The following ASTN2 variants were observed in gnomAD, a reference collection of about 807,000 sequenced individuals.
ASTN2 encodes the protein astrotactin 2.
Under a neutral mutation model 139.8 loss-of-function variants are expected in ASTN2, and 54 were observed. The observed-to-expected ratio is 0.39, with a 90% CI of 0.31 to 0.48. ASTN2 has a LOEUF of 0.48. ASTN2 is among the 20% of genes least tolerant of loss of function. ASTN2 has a pLI of 0.95. For synonymous variants in ASTN2, 756 were observed against 719.5 expected, an observed-to-expected ratio of 1.05 and a Z score of -0.81; for missense variants, 1,565 against 1,725.1, an observed-to-expected ratio of 0.91 and a Z score of 1.64.
At chr9:116,730,389 A>G (rs1443827655) in intron 14 of ASTN2, among the ~76,000 whole-genome samples, 5 of 152,170 alleles carry the variant, frequency 3.3e-5, no homozygotes, top group African/African-American at 1.2e-4. Flanking sequence ...TTCAGGAATA[A>G]AATAGTTTTT....
chr9:116,535,930 G>A (rs1447260049), intron 19 of ASTN2, among the ~76,000 whole-genome samples: 2 of 152,134 alleles, frequency 1.3e-5, no homozygotes, highest in African/African-American at 2.4e-5. Flanking sequence ...AAGTTCTCCT[G>A]GATAACATCC....
intron 10 of ASTN2, among the ~76,000 whole-genome samples, chr9:116,900,204 C>A (rs1413081344): frequency 6.6e-6 from 1 of 152,180 alleles, no homozygotes; most frequent in East Asian, 1.9e-4. Flanking sequence ...GCAAGAAAAA[C>A]CTGTTGGGCA....
At chr9:116,939,511 C>G (rs988085872) in intron 10 of ASTN2, among the ~76,000 whole-genome samples, 1 of 152,112 alleles carries the variant, frequency 6.6e-6, no homozygotes, top group South Asian at 2.1e-4. Flanking sequence ...TTCGTGTCTA[C>G]CAAAGGGCTC....
intron 19 of ASTN2, among the ~76,000 whole-genome samples, chr9:116,504,515 C>A (rs1385493581): frequency 6.6e-6 from 1 of 152,150 alleles, no homozygotes; most frequent in Non-Finnish European, 1.5e-5. Context: ...CTGATACTTA[C>A]AGTAACCCTG....
chr9:117,014,603 T>C (rs370756716), intron 6 of ASTN2, among the ~76,000 whole-genome samples: 210 of 152,272 alleles, frequency 1.4e-3, no homozygotes, highest in African/African-American at 4.8e-3. Context: ...CTACTTGTTA[T>C]GGGTTGGACT....
At chr9:116,532,667 G>C (rs1282246027) in intron 19 of ASTN2, among the ~76,000 whole-genome samples, 2 of 152,178 alleles carry the variant, frequency 1.3e-5, no homozygotes, top group Non-Finnish European at 2.9e-5. Context: ...AGATCAGATA[G>C]TTGTAGATGT....
At chr9:116,747,243 G>A (rs956864230) in intron 13 of ASTN2, among the ~76,000 whole-genome samples, 6 of 152,222 alleles carry the variant, frequency 3.9e-5, no homozygotes, top group African/African-American at 1.4e-4. Flanking sequence ...TGAGGGAGCA[G>A]AGACATAAAA....
At chr9:116,616,361 T>C (rs1433343108) in intron 19 of ASTN2, among the ~76,000 whole-genome samples, 2 of 152,122 alleles carry the variant, frequency 1.3e-5, no homozygotes, top group Non-Finnish European at 2.9e-5. Flanking sequence ...GTGCACTATG[T>C]TGAGAGAGAG....
At chr9:116,792,626 G>T (rs1437178231) in intron 13 of ASTN2, among the ~76,000 whole-genome samples, 2 of 152,176 alleles carry the variant, frequency 1.3e-5, no homozygotes, top group African/African-American at 2.4e-5. Flanking sequence ...TGCACCGGGG[G>T]CCTATTGGAT....
chr9:117,053,076 T>C (rs2132671177), intron 5 of ASTN2, among the ~76,000 whole-genome samples: 1 of 152,324 alleles, frequency 6.6e-6, no homozygotes, highest in South Asian at 2.1e-4. Flanking sequence ...ACATATTCTA[T>C]ATGAGAAGCT....
intron 16 of ASTN2, among the ~76,000 whole-genome samples, chr9:116,659,715 G>C (rs1858440684): frequency 6.6e-6 from 1 of 152,006 alleles, no homozygotes; most frequent in African/African-American, 2.4e-5. Context: ...CATTTCCATG[G>C]GCTAATAGGG....
intron 10 of ASTN2, among the ~76,000 whole-genome samples, chr9:116,911,703 G>A (rs1395664105): frequency 6.6e-6 from 1 of 152,138 alleles, no homozygotes; most frequent in African/African-American, 2.4e-5. Flanking sequence ...AGGAGATCGA[G>A]AACATCCTGG....
At chr9:117,267,523 C>T (rs1416269167) in intron 2 of ASTN2, among the ~76,000 whole-genome samples, 2 of 152,194 alleles carry the variant, frequency 1.3e-5, no homozygotes, top group Admixed American at 1.3e-4. Flanking sequence ...AAGATATTAA[C>T]ACTAGGGGAG....
intron 3 of ASTN2, among the ~76,000 whole-genome samples, chr9:117,163,907 C>A (rs1365617645): frequency 1.3e-5 from 2 of 151,984 alleles, no homozygotes; most frequent in Non-Finnish European, 2.9e-5. Flanking sequence ...AGGCAAAGGC[C>A]ATATTTGTAT....
At chr9:116,773,972 T>A (rs1830018035) in intron 13 of ASTN2, among the ~76,000 whole-genome samples, 1 of 152,242 alleles carries the variant, frequency 6.6e-6, no homozygotes, top group East Asian at 1.9e-4. Flanking sequence ...TCTTATTGTC[T>A]GGCTCTGTCC....
chr9:117,360,202 C>T (rs890628780), intron 1 of ASTN2, among the ~76,000 whole-genome samples: 7 of 152,030 alleles, frequency 4.6e-5, no homozygotes, highest in East Asian at 1.9e-4. Context: ...GCTCTGTGCT[C>T]GGCAAACTTA....
chr9:116,729,864 A>T (rs573604837), intron 14 of ASTN2, among the ~76,000 whole-genome samples: 1 of 152,220 alleles, frequency 6.6e-6, no homozygotes, highest in Non-Finnish European at 1.5e-5. Flanking sequence ...TAGTGTGCAA[A>T]CTTCTTTGAC....
intron 10 of ASTN2, among the ~76,000 whole-genome samples, chr9:116,890,429 A>T (rs10817955): frequency 0.37 from 56,637 of 152,094 alleles, 12,560 homozygotes; most frequent in Non-Finnish European, 0.5. Context: ...TTATTTTATG[A>T]TATAATCAAG....
chr9:116,522,553 TG>T (rs772242116), intron 19 of ASTN2, among the ~76,000 whole-genome samples: 5 of 152,062 alleles, frequency 3.3e-5, no homozygotes, highest in Admixed American at 2.6e-4. Flanking sequence ...GACTACACAT[TG>T]GGTACAGTGT....
Sources: allele counts gnomAD v4.1 joint callset (sites outside exome capture counted in the v4.1 genomes callset), GRCh38; gene constraint gnomAD v4.1.1; transcripts MANE v1.5; gene names NCBI Gene and HGNC (gene_info 2026-07-23, HGNC 2026-07-21).